PAAF1: variants seen among roughly 807,000 people sequenced by gnomAD.
PAAF1 encodes the protein proteasomal ATPase-associated factor 1.
PAAF1 carries 46 observed loss-of-function variants against 52.8 expected under a neutral mutation model. The observed-to-expected ratio is 0.87, with a 90% CI of 0.69 to 1.11. PAAF1 has a LOEUF of 1.11. PAAF1 is among the 50% of genes most tolerant of loss of function. The pLI, the probability that PAAF1 is intolerant of heterozygous loss-of-function variation, is 0.00. For missense variants in PAAF1, 424 were observed against 477.4 expected (o/e 0.89, Z 1.04); for synonymous variants, 178 against 172.8 (o/e 1.03, Z -0.24).
rs757572724 is a variant in PAAF1, at chr11:73,927,363, C to G, written c.*1C>G. ...ACGCTACCAGCTTTCTGACCTCTGA[C>G]TTCTTGGAAAGAGCAGTCCCGGTTA... On this transcript the variant is annotated 3_prime_UTR_variant, in exon 12 of 12. Coordinates refer to ENST00000310571, the MANE Select transcript of PAAF1 (RefSeq NM_025155.3). 2.5e-6 allele frequency: 4 copies of G among 1,612,956 alleles called. No homozygotes were observed. In the African/African-American group the frequency reaches 5.3e-5, roughly 22 times the overall value.
chr11:73,889,269 C>T, intron 3 of PAAF1: 5 of 1,291,980 alleles, frequency 3.9e-6, no homozygotes, highest in Non-Finnish European at 5.0e-6. Context: ...GTTGAACATT[C>T]ATTTGTTTCC....
intron 6 of PAAF1, among the ~76,000 whole-genome samples, chr11:73,903,716 CAA>C (rs34551219): frequency 3.5e-4 from 46 of 131,420 alleles, no homozygotes; most frequent in African/African-American, 8.9e-4. Context: ...ACTCTGTCTT[CAA>C]AAAAAAAAAA....
At chr11:73,897,194 C>G (rs1363102100) in intron 4 of PAAF1, among the ~76,000 whole-genome samples, 2 of 136,266 alleles carry the variant, frequency 1.5e-5, no homozygotes, top group Admixed American at 7.1e-5. Flanking sequence ...CTGACCCCCC[C>G]ACCTCCCTCC....
At chr11:73,887,572 T>A in intron 3 of PAAF1, 115 bp downstream of exon 3, 1 of 637,956 alleles carries the variant, frequency 1.6e-6, no homozygotes, top group Non-Finnish European at 2.4e-6. Flanking sequence ...TGTATGAGAA[T>A]CATAGTTTTT....
intron 4 of PAAF1, among the ~76,000 whole-genome samples, chr11:73,896,892 C>T (rs1284570962): frequency 6.6e-6 from 1 of 151,286 alleles, no homozygotes; most frequent in East Asian, 2.0e-4. Context: ...AGGCGCCCCT[C>T]ACCTCCCGGA....
chr11:73,921,000 C>T (rs542795147), intron 10 of PAAF1, among the ~76,000 whole-genome samples: 2 of 151,956 alleles, frequency 1.3e-5, no homozygotes, highest in Non-Finnish European at 2.9e-5. Flanking sequence ...GGCCATTTTA[C>T]TGATTATTAA....
chr11:73,879,729 C>T (rs1454733426), intron 2 of PAAF1: 1 of 148,904 alleles, frequency 6.7e-6, no homozygotes, highest in Non-Finnish European at 1.5e-5. Flanking sequence ...AAAAATTAGT[C>T]AGGCATAGTG....
chr11:73,906,008 A>G (rs1245293072), intron 6 of PAAF1, among the ~76,000 whole-genome samples: 1 of 152,144 alleles, frequency 6.6e-6, no homozygotes, highest in Admixed American at 6.6e-5. Flanking sequence ...TTCTAATTAG[A>G]TTTTTGCTGA....
chr11:73,896,438 C>A lies in PAAF1; in HGVS notation c.283-2708C>A, dbSNP rs559150747. On this transcript the variant is annotated intron_variant, in intron 4 of 11. Coordinates refer to ENST00000310571, the MANE Select transcript of PAAF1 (RefSeq NM_025155.3). ...GTCTCTGGTTTTCCTAGGCAGAGGACCCTGCGGCCTTCCGCAGTGTTTGTG... is the reference window on the plus strand; with the variant it reads ...GTCTCTGGTTTTCCTAGGCAGAGGAACCTGCGGCCTTCCGCAGTGTTTGTG... Among the ~76,000 whole-genome samples the A allele has an allele frequency of 2.0e-5, 3 of 151,082 alleles. No individual in the cohort carries two copies. In the East Asian group the frequency reaches 5.8e-4, roughly 29 times the overall value.
At chr11:73,906,637 T>C (rs1331157266) in intron 6 of PAAF1, among the ~76,000 whole-genome samples, 1 of 152,234 alleles carries the variant, frequency 6.6e-6, no homozygotes, top group Non-Finnish European at 1.5e-5. Flanking sequence ...TTAATGATAT[T>C]TTCTCACACA....
At chr11:73,899,553 A>G (rs1002855158) in intron 5 of PAAF1, among the ~76,000 whole-genome samples, 1 of 151,836 alleles carries the variant, frequency 6.6e-6, no homozygotes, top group African/African-American at 2.4e-5. Flanking sequence ...CTGAGATTAC[A>G]GGCATGTGCC....
chr11:73,914,908 G>T (rs1157836766), intron 8 of PAAF1, among the ~76,000 whole-genome samples: 5 of 151,962 alleles, frequency 3.3e-5, no homozygotes, highest in Non-Finnish European at 7.4e-5. Context: ...GTTTCACCAT[G>T]TTGGCCAGAC....
Position 73,927,493 on chromosome 11 carries a change from T to A in PAAF1, c.*131T>A. 2.7e-6 allele frequency: 2 copies of A among 751,668 alleles called. No homozygotes were observed. Among genetic ancestry groups the A allele is most frequent in the South Asian group, 3.3e-5 (2 of 60,816 alleles). The allele number at this position is 751,668 out of a possible 1,614,324, so 46.6% of individuals were successfully genotyped here. On this transcript the variant is annotated 3_prime_UTR_variant, in exon 12 of 12. Transcript: ENST00000310571. ...GGCACCCCTTGGAAATCACAGAAAG[T>A]CAGCTGTACTGGCCGTGTGGAACTC...
intron 7 of PAAF1, among the ~76,000 whole-genome samples, chr11:73,913,998 T>C (rs563860902): frequency 3.3e-5 from 5 of 152,184 alleles, no homozygotes; most frequent in Admixed American, 2.6e-4. Flanking sequence ...TGTGGGGTGC[T>C]ATGTTTGTGC....
chr11:73,916,687 C>A, intron 9 of PAAF1, 27 bp downstream of exon 9: 1 of 1,544,606 alleles, frequency 6.5e-7, no homozygotes, highest in Non-Finnish European at 8.9e-7. Flanking sequence ...TTACATGATG[C>A]AGGTCTTCTG....
intron 2 of PAAF1, among the ~76,000 whole-genome samples, chr11:73,886,403 C>T (rs1454769440): frequency 1.3e-5 from 2 of 151,914 alleles, no homozygotes; most frequent in African/African-American, 4.8e-5. Context: ...AGGCCAGGCG[C>T]GGTGGCTCAC....
At chr11:73,878,903 C>T in intron 2 of PAAF1, 84 bp downstream of exon 2, 2 of 1,309,152 alleles carry the variant, frequency 1.5e-6, no homozygotes, top group South Asian at 2.5e-5. Context: ...TTTCTCCTGG[C>T]CCAGCCTCCT....
intron 10 of PAAF1, among the ~76,000 whole-genome samples, chr11:73,923,257 G>T (rs1174674411): frequency 3.3e-5 from 5 of 152,094 alleles, no homozygotes; most frequent in African/African-American, 1.2e-4. Context: ...GAAAACAGTT[G>T]TTCAGATTTC....
chr11:73,889,097 C>A, intron 3 of PAAF1: 1 of 1,012,662 alleles, frequency 9.9e-7, no homozygotes, highest in Non-Finnish European at 1.5e-6. Flanking sequence ...TTTAGCACTA[C>A]CATGCAAGCC....
Sources: allele counts gnomAD v4.1 joint callset (sites outside exome capture counted in the v4.1 genomes callset), GRCh38; gene constraint gnomAD v4.1.1; transcripts MANE v1.5; gene names NCBI Gene and HGNC (gene_info 2026-07-23, HGNC 2026-07-21).